Variants in NOVA1 observed in about 807,000 individuals in gnomAD.
The protein encoded by NOVA1 is RNA-binding protein Nova-1.
A neutral mutation model predicts 38.0 loss-of-function variants in NOVA1; 7 were observed. The observed-to-expected ratio is 0.18, with a 90% confidence interval of 0.10 to 0.35. NOVA1 has a LOEUF of 0.35. NOVA1 is among the 10% of genes least tolerant of loss of function. NOVA1 has a pLI of 1.00. For synonymous variants in NOVA1, 270 were observed against 232.5 expected (o/e 1.16, Z -1.47); for missense variants, 460 against 616.0 (o/e 0.75, Z 2.68).
chr14:26,448,734 C>G lies in NOVA1; in HGVS notation c.749G>C (p.Cys250Ser), dbSNP rs2032014249. Residue 250 changes from cysteine (C) to serine (S), a missense_variant, in exon 5 of 5, where the codon TGT becomes TCT. Coordinates refer to ENST00000539517, the MANE Select transcript of NOVA1 (RefSeq NM_002515.3). This position sits in a 1 kb window ranked among gnomAD's most constrained non-coding sequence, Gnocchi z 5.3. ...CACATTGGCATAACTGATATTGAGACAGCTGCCACTTTGTGGATCCTCTTG... is the reference window on the plus strand; with the variant it reads ...CACATTGGCATAACTGATATTGAGAGAGCTGCCACTTTGTGGATCCTCTTG... ...KIQEDPQSGS[C>S]LNISYANVTG... is the part of the protein sequence containing the mutation. 1.2e-5 allele frequency: 19 copies of G among 1,614,214 alleles called. No individual in the cohort carries two copies. Among genetic ancestry groups the G allele is most frequent in the Non-Finnish European group, 1.6e-5 (19 of 1,180,044 alleles).
chr14:26,586,908 G>GT (rs558343568), intron 2 of NOVA1, among the ~76,000 whole-genome samples: 5,227 of 132,448 alleles, frequency 0.039, 115 homozygotes, highest in South Asian at 0.059. Context: ...CATCATCTCA[G>GT]TTTTTTTTTT....
At chr14:26,515,069 C>T (rs1229198762) in intron 2 of NOVA1, among the ~76,000 whole-genome samples, 4 of 151,770 alleles carry the variant, frequency 2.6e-5, no homozygotes, top group Non-Finnish European at 4.4e-5. Context: ...AAAGTGTAGT[C>T]CAAAAATGGC....
chr14:26,459,850 A>C (rs1283770522), intron 4 of NOVA1, among the ~76,000 whole-genome samples: 1 of 152,080 alleles, frequency 6.6e-6, no homozygotes, highest in African/African-American at 2.4e-5. Context: ...TTAAGTTATA[A>C]GGAAAACTTT....
At chr14:26,541,150 T>A (rs1890442004) in intron 2 of NOVA1, among the ~76,000 whole-genome samples, 1 of 152,042 alleles carries the variant, frequency 6.6e-6, no homozygotes, top group Non-Finnish European at 1.5e-5. Flanking sequence ...AACTTCTGAT[T>A]TGGGTTTTCA....
At chr14:26,524,025 A>G (rs561667588) in intron 2 of NOVA1, among the ~76,000 whole-genome samples, 23 of 152,166 alleles carry the variant, frequency 1.5e-4, no homozygotes, top group Non-Finnish European at 2.8e-4. Flanking sequence ...TGCTCCAATT[A>G]TAGGCGGGAG....
At chr14:26,563,297 C>A (rs1891937286) in intron 2 of NOVA1, among the ~76,000 whole-genome samples, 1 of 148,878 alleles carries the variant, frequency 6.7e-6, no homozygotes. Context: ...CTGATGGTTA[C>A]AACCACAAAA....
chr14:26,454,842 C>T (rs1182756192), intron 4 of NOVA1, among the ~76,000 whole-genome samples: 3 of 152,018 alleles, frequency 2.0e-5, no homozygotes, highest in Non-Finnish European at 4.4e-5. Flanking sequence ...CAGAAAAATG[C>T]CTTTTATTTT....
intron 2 of NOVA1, among the ~76,000 whole-genome samples, chr14:26,487,300 G>C (rs943369703): frequency 2.6e-5 from 4 of 151,934 alleles, no homozygotes; most frequent in Non-Finnish European, 5.9e-5. Flanking sequence ...ATACGCATAC[G>C]GAATAACTTA....
rs144292531 is a variant in NOVA1, at chr14:26,593,777, A to G, written c.280+1633T>C. The stretch of plus-strand genomic sequence containing the variant: ...AGTGCACCCTTTCCAACCCACTGAA[A>G]ATAAACTATATTCAAATGAAAAGGC... On this transcript the variant is annotated intron_variant, in intron 2 of 4. Coordinates refer to ENST00000539517, the MANE Select transcript of NOVA1 (RefSeq NM_002515.3). The G allele has an allele frequency of 2.6e-5, 4 of 152,082 alleles. No individual in the cohort carries two copies. The East Asian group carries it at 7.7e-4, about 29-fold the overall frequency. 9.4% of individuals were successfully genotyped at this position (152,082 alleles called of 1,614,324 possible). A position where few individuals can be genotyped will look rare whatever the true frequency, so the allele number is the denominator to read the frequency against.
intron 2 of NOVA1, among the ~76,000 whole-genome samples, chr14:26,552,855 T>A (rs1891244091): frequency 6.6e-6 from 1 of 152,164 alleles, no homozygotes; most frequent in Admixed American, 6.5e-5. Flanking sequence ...ATGAAGTGAC[T>A]CTACTCTCTG....
intron 4 of NOVA1, among the ~76,000 whole-genome samples, chr14:26,469,552 C>T (rs908592859): frequency 6.6e-6 from 1 of 152,032 alleles, no homozygotes; most frequent in Non-Finnish European, 1.5e-5. Context: ...GGTAACTGTT[C>T]TTCATTTCTT....
chr14:26,597,211 G>A, intron 1 of NOVA1, 90 bp downstream of exon 1: 2 of 975,174 alleles, frequency 2.1e-6, no homozygotes, highest in Admixed American at 4.4e-5. Context: ...GGGAGGGAGG[G>A]AGGGAAGGAG....
intron 2 of NOVA1, among the ~76,000 whole-genome samples, chr14:26,488,141 T>C (rs954864650): frequency 6.6e-6 from 1 of 152,122 alleles, no homozygotes; most frequent in Non-Finnish European, 1.5e-5. Context: ...TACACAATTA[T>C]CTCTCTACTT....
At chr14:26,580,147 A>G (rs552586472) in intron 2 of NOVA1, among the ~76,000 whole-genome samples, 2 of 152,092 alleles carry the variant, frequency 1.3e-5, no homozygotes, top group African/African-American at 2.4e-5. Flanking sequence ...ATTTAGCTTC[A>G]TCATTTAATG....
intron 2 of NOVA1, among the ~76,000 whole-genome samples, chr14:26,501,766 G>C (rs1887259174): frequency 6.6e-6 from 1 of 151,786 alleles, no homozygotes; most frequent in Non-Finnish European, 1.5e-5. Flanking sequence ...TAACTATTTT[G>C]AGGAGAAAAA....
At chr14:26,585,523 A>C (rs900171797) in intron 2 of NOVA1, among the ~76,000 whole-genome samples, 2 of 151,298 alleles carry the variant, frequency 1.3e-5, no homozygotes, top group Admixed American at 6.6e-5. Context: ...CTAATATATC[A>C]CTTTAATTTG....
At chr14:26,574,578 G>A (rs559411762) in intron 2 of NOVA1, among the ~76,000 whole-genome samples, 5 of 151,774 alleles carry the variant, frequency 3.3e-5, no homozygotes, top group Non-Finnish European at 7.4e-5. Context: ...TAAATAGAGG[G>A]GCATAAATGA....
chr14:26,462,080 T>A (rs1883727532), intron 4 of NOVA1, among the ~76,000 whole-genome samples: 1 of 152,190 alleles, frequency 6.6e-6, no homozygotes, highest in Non-Finnish European at 1.5e-5. Context: ...AAAGATTTTT[T>A]TTTTGTAAAT....
intron 2 of NOVA1, among the ~76,000 whole-genome samples, chr14:26,507,344 GT>G (rs1887717942): frequency 6.6e-6 from 1 of 151,918 alleles, no homozygotes; most frequent in African/African-American, 2.4e-5. Context: ...TATCATAGTA[GT>G]TTATAGATGA....
Sources: allele counts gnomAD v4.1 joint callset (sites outside exome capture counted in the v4.1 genomes callset), GRCh38; gene constraint gnomAD v4.1.1; non-coding constraint Gnocchi (gnomAD v3.1); transcripts MANE v1.5; gene names NCBI Gene and HGNC (gene_info 2026-07-23, HGNC 2026-07-21).